RGPD2: variants seen among roughly 807,000 people sequenced by gnomAD.
RGPD2 encodes the protein RANBP2 like and GRIP domain containing 2.
In RGPD2, 2 loss-of-function variants were observed where a neutral mutation model predicts 36.0. The ratio of observed to expected loss-of-function variants is 0.06; its 90% CI spans 0.02 to 0.17. RGPD2 has a LOEUF of 0.17. Ranked by LOEUF, RGPD2 falls within the 10% of genes least tolerant of loss-of-function variation. The pLI, the probability that RGPD2 is intolerant of heterozygous loss-of-function variation, is 1.00. For synonymous variants in RGPD2, 19 were observed against 163.8 expected (o/e 0.12, Z 6.75); for missense variants, 40 against 464.3 (o/e 0.09, Z 8.40).
At chr2:87,989,589 T>A in the RGPD2 span, 3 of 439,280 alleles carry the variant, frequency 6.8e-6, no homozygotes, top group African/African-American at 2.0e-5. Flanking sequence ...TAGATTTTTT[T>A]AAATCATGAG....
the RGPD2 span, among the ~76,000 whole-genome samples, chr2:87,918,766 A>T: frequency 5.3e-5 from 8 of 150,552 alleles, no homozygotes; most frequent in Admixed American, 5.3e-4. Context: ...ATAGAGACTC[A>T]GATAATAAAA....
the RGPD2 span, among the ~76,000 whole-genome samples, chr2:87,877,426 G>T: frequency 1.8e-3 from 270 of 152,348 alleles, no homozygotes; most frequent in African/African-American, 6.1e-3. Context: ...GCATTTGCTT[G>T]TCTGAAAAGG....
At chr2:87,848,988 A>G in the RGPD2 span, among the ~76,000 whole-genome samples, 1 of 151,574 alleles carries the variant, frequency 6.6e-6, no homozygotes, top group African/African-American at 2.4e-5. Flanking sequence ...AAGTTTAATC[A>G]TTTCTTACAA....
the RGPD2 span, among the ~76,000 whole-genome samples, chr2:87,911,795 T>C: frequency 1.3e-5 from 2 of 152,142 alleles, no homozygotes; most frequent in Admixed American, 6.6e-5. Context: ...CTCATTTTAG[T>C]TGGCCTTTGA....
At chr2:87,948,305 T>G in the RGPD2 span, among the ~76,000 whole-genome samples, 1 of 151,848 alleles carries the variant, frequency 6.6e-6, no homozygotes, top group Non-Finnish European at 1.5e-5. Context: ...GACTCATACA[T>G]GCCCCATAGT....
the RGPD2 span, among the ~76,000 whole-genome samples, chr2:87,888,295 T>C: frequency 6.6e-6 from 1 of 151,936 alleles, no homozygotes; most frequent in South Asian, 2.1e-4. Flanking sequence ...GATGCTGCTA[T>C]TAAAAATAAA....
chr2:87,829,680 T>A (rs529079350), upstream of RGPD2, among the ~76,000 whole-genome samples: 3 of 152,080 alleles, frequency 2.0e-5, no homozygotes, highest in East Asian at 5.8e-4. Context: ...TTCACTATTG[T>A]AAGAACAGCA....
the RGPD2 span, chr2:87,973,209 G>C: frequency 1.9e-6 from 3 of 1,608,178 alleles, no homozygotes; most frequent in South Asian, 1.1e-5. Context: ...CCTCCCACCA[G>C]AGTGCCCTCC....
chr2:87,973,174 G>A, the RGPD2 span: 1 of 1,596,938 alleles, frequency 6.3e-7, no homozygotes, highest in African/African-American at 1.4e-5. Context: ...TGCCCATTTT[G>A]AAGGAACAAA....
intron 6 of RGPD2, among the ~76,000 whole-genome samples, chr2:87,809,435 G>A (rs1337789923): frequency 3.0e-4 from 43 of 144,198 alleles, no homozygotes; most frequent in Admixed American, 6.3e-4. Context: ...TTGGGAGGCC[G>A]AGGAGGGCAG....
chr2:87,961,525 A>G, the RGPD2 span, among the ~76,000 whole-genome samples: 1 of 151,844 alleles, frequency 6.6e-6, no homozygotes, highest in Admixed American at 6.6e-5. Context: ...ACATGGCGAA[A>G]GCCCATCTCT....
the RGPD2 span, among the ~76,000 whole-genome samples, chr2:87,905,575 T>A: frequency 6.6e-6 from 1 of 151,618 alleles, no homozygotes; most frequent in Non-Finnish European, 1.5e-5. Flanking sequence ...TTTAGTAAAT[T>A]TACAGAGCTG....
At chr2:87,858,118 G>A in the RGPD2 span, among the ~76,000 whole-genome samples, 7 of 152,128 alleles carry the variant, frequency 4.6e-5, no homozygotes, top group East Asian at 1.4e-3. Context: ...CTATGATTGA[G>A]TCATACGTAC....
At chr2:87,961,423 G>A in the RGPD2 span, among the ~76,000 whole-genome samples, 72 of 151,898 alleles carry the variant, frequency 4.7e-4, no homozygotes, top group Middle Eastern at 3.4e-3. Context: ...CTTGCCCGCC[G>A]GGCGCCGTGG....
chr2:87,935,450 G>A, the RGPD2 span, among the ~76,000 whole-genome samples: 3,651 of 146,710 alleles, frequency 0.025, 161 homozygotes, highest in African/African-American at 0.087. Flanking sequence ...CATTGCTGCA[G>A]TGGTATAAAA....
the RGPD2 span, among the ~76,000 whole-genome samples, chr2:87,921,634 T>A: frequency 6.6e-6 from 1 of 152,322 alleles, no homozygotes; most frequent in South Asian, 2.1e-4. Flanking sequence ...CCTGGCTGTC[T>A]ATGCTGAAGT....
At chr2:87,919,467 T>C in the RGPD2 span, among the ~76,000 whole-genome samples, 1 of 152,114 alleles carries the variant, frequency 6.6e-6, no homozygotes, top group African/African-American at 2.4e-5. Flanking sequence ...AGTAAATCAG[T>C]AACTCAACAG....
At chr2:87,878,180 G>A in the RGPD2 span, among the ~76,000 whole-genome samples, 3 of 152,224 alleles carry the variant, frequency 2.0e-5, no homozygotes, top group South Asian at 2.1e-4. Context: ...CATAGATTTG[G>A]TCTCTTTACA....
chr2:87,885,025 A>G, the RGPD2 span, among the ~76,000 whole-genome samples: 1 of 152,272 alleles, frequency 6.6e-6, no homozygotes, highest in South Asian at 2.1e-4. Context: ...ATAAACATAG[A>G]TGCAAAAATC....
Sources: allele counts gnomAD v4.1 joint callset (sites outside exome capture counted in the v4.1 genomes callset), GRCh38; gene constraint gnomAD v4.1.1; transcripts MANE v1.5; gene names NCBI Gene and HGNC (gene_info 2026-07-23, HGNC 2026-07-21).